The following KCNQ1 variants were observed in gnomAD, a reference collection of about 807,000 sequenced individuals.
KCNQ1 encodes potassium voltage-gated channel subfamily Q member 1.
Under a neutral mutation model 72.4 loss-of-function variants are expected in KCNQ1, and 49 were observed. The observed-to-expected ratio is 0.68, with a 90% confidence interval of 0.54 to 0.86. The LOEUF is 0.86. Among genes scored for constraint, KCNQ1 ranks in the 40% least tolerant of loss-of-function variants. KCNQ1 has a pLI of 0.00. For synonymous variants in KCNQ1, 450 were observed against 412.6 expected, an observed-to-expected ratio of 1.09 and a Z score of -1.10; for missense variants, 790 against 945.1, an observed-to-expected ratio of 0.84 and a Z score of 2.15.
At position 2,490,844 on chromosome 11, in the gene KCNQ1, A is replaced by C. The variant is rs55948333; in HGVS notation, c.387-37084A>C. 2.7e-3 allele frequency among the ~76,000 whole-genome samples: 416 copies of C among 152,270 alleles called. 3 individuals are homozygous for C. Among genetic ancestry groups the C allele is most frequent in the African/African-American group, 9.5e-3 (393 of 41,540 alleles). ...GCTAGGATTATAGGCATGTGCCATC[A>C]TGCCTGGCTAATTTTTGTTTGTTTG... On this transcript the variant is annotated intron_variant, in intron 1 of 15. Transcript: ENST00000155840.
At position 2,481,835 on chromosome 11, in the gene KCNQ1, T is replaced by C. The variant is rs1255128562; in HGVS notation, c.386+36351T>C. On this transcript the variant is annotated intron_variant, in intron 1 of 15. Transcript: ENST00000155840. The surrounding 1 kb of genome is among the most constrained non-coding windows in gnomAD (Gnocchi z 4.6). ...AAAACAAGCTCAGGGCTCTCACTGA[T>C]TCTACATTATGGTGAGTTGTATAAT... Among the ~76,000 whole-genome samples the C allele has an allele frequency of 6.6e-6, 1 of 152,212 alleles. No individual in the cohort carries two copies. Among genetic ancestry groups the C allele is most frequent in the Non-Finnish European group, 1.5e-5 (1 of 68,042 alleles).
rs1846237543 is a variant in KCNQ1 at position 2,752,216 on chromosome 11, G to A, written c.1515-16628G>A. Among the ~76,000 whole-genome samples the A allele has an allele frequency of 6.6e-6, 1 of 152,170 alleles. No individual in the cohort carries two copies. ...GAGTGTTACTGAGTTGAGGTGACTG[G>A]GTTGATTTTAGCTTCACAGGTGATC... On this transcript the variant is annotated intron_variant, in intron 11 of 15. Transcript: ENST00000155840. The surrounding 1 kb of genome is among the most constrained non-coding windows in gnomAD (Gnocchi z 5.2).
At chr11:2,737,623 C>T (rs186954454) in intron 11 of KCNQ1, among the ~76,000 whole-genome samples, 6 of 152,326 alleles carry the variant, frequency 3.9e-5, no homozygotes, top group East Asian at 1.9e-4. Flanking sequence ...CCGTTCACGG[C>T]GAAGAAGCTT....
In KCNQ1 at chr11:2,623,448, G is replaced by A. The variant is rs1849208042; in HGVS notation, c.1393+34594G>A. 1 of 398,282 alleles carries A rather than the reference G, an allele frequency of 2.5e-6. No homozygotes were observed. The highest frequency in any genetic ancestry group is 2.1e-5 in the African/African-American group (1 of 48,550). The allele number at this position is 398,282 out of a possible 1,614,324, so 24.7% of individuals were successfully genotyped here. Reference sequence around the variant, plus strand: ...CAACCCTTCTTCCCCAACAACCCTTGGCAACCACTGAACTTTTTACTGCCT... The same window carrying A: ...CAACCCTTCTTCCCCAACAACCCTTAGCAACCACTGAACTTTTTACTGCCT... On this transcript the variant is annotated intron_variant, in intron 10 of 15. Transcript: ENST00000155840. This position sits in a 1 kb window ranked among gnomAD's most constrained non-coding sequence, Gnocchi z 5.2.
At chr11:2,744,478 T>C (rs1846105812) in intron 11 of KCNQ1, among the ~76,000 whole-genome samples, 1 of 152,228 alleles carries the variant, frequency 6.6e-6, no homozygotes, top group East Asian at 1.9e-4. Context: ...CAAGACTTGT[T>C]TGCGGTTGCT....
At chr11:2,512,274 G>A (rs967640208) in intron 1 of KCNQ1, among the ~76,000 whole-genome samples, 3 of 152,228 alleles carry the variant, frequency 2.0e-5, no homozygotes, top group Non-Finnish European at 4.4e-5. Context: ...GCCGGGGCGG[G>A]AGAGGGCCGC....
chr11:2,718,009 G>A (rs934213269), intron 11 of KCNQ1, among the ~76,000 whole-genome samples: 1 of 152,250 alleles, frequency 6.6e-6, no homozygotes, highest in Non-Finnish European at 1.5e-5. Context: ...TGTCGCAGAA[G>A]TGAACCTTGT....
At chr11:2,622,369 GCTTT>G in intron 10 of KCNQ1, 4 of 398,046 alleles carry the variant, frequency 1.0e-5, no homozygotes, top group Non-Finnish European at 1.8e-5. Flanking sequence ...ATTACCTCCA[GCTTT>G]CTTTAGGTTA....
intron 1 of KCNQ1, among the ~76,000 whole-genome samples, chr11:2,525,441 T>C (rs961037153): frequency 6.6e-6 from 1 of 152,174 alleles, no homozygotes; most frequent in Admixed American, 6.5e-5. Flanking sequence ...CAGAGACAGA[T>C]GAGAGCAGGG....
At position 2,848,085 on chromosome 11, in the gene KCNQ1, A is replaced by C. The variant is rs2134098019; in HGVS notation, c.*82A>C. Reference sequence around the variant, plus strand: ...CACCTGGCCCTCTCTGAAGGAGGCCACCTCCTAAAAGGCCCAGAGAGAAGA... The same window carrying C: ...CACCTGGCCCTCTCTGAAGGAGGCCCCCTCCTAAAAGGCCCAGAGAGAAGA... On this transcript the variant is annotated 3_prime_UTR_variant, in exon 16 of 16. Transcript: ENST00000155840. The C allele has an allele frequency of 8.5e-7, 1 of 1,181,576 alleles. No individual in the cohort carries two copies. The highest frequency in any genetic ancestry group is 2.5e-5 in the East Asian group (1 of 39,320). The allele number at this position is 1,181,576 out of a possible 1,614,324, so 73.2% of individuals were successfully genotyped here.
rs143908838 is a variant in KCNQ1 at position 2,625,024 on chromosome 11, A to G, written c.1393+36170A>G. The G allele has an allele frequency of 1.3e-3, 515 of 398,610 alleles. 2 individuals carry two copies. Among genetic ancestry groups the G allele is most frequent in the African/African-American group, 9.3e-3 (455 of 48,740 alleles). The allele number at this position is 398,610 out of a possible 1,614,324, so 24.7% of individuals were successfully genotyped here. A position where few individuals can be genotyped will look rare whatever the true frequency, so the allele number is the denominator to read the frequency against. ...GTTGCATTGATGTTTTAACTGTTGT[A>G]AATAATGCCACTACAATCGTGGGTA... On this transcript the variant is annotated intron_variant, in intron 10 of 15. Transcript: ENST00000155840.
chr11:2,810,547 T>C (rs1455493920), intron 15 of KCNQ1, among the ~76,000 whole-genome samples: 1 of 152,266 alleles, frequency 6.6e-6, no homozygotes, highest in Non-Finnish European at 1.5e-5. Context: ...ACGCTTGCTC[T>C]CTGACCGTGG....
chr11:2,480,774 G>A (rs946911321), intron 1 of KCNQ1, among the ~76,000 whole-genome samples: 12 of 152,158 alleles, frequency 7.9e-5, no homozygotes, highest in Non-Finnish European at 1.3e-4. Flanking sequence ...GTTGTTTCCC[G>A]ATTTTGACAA....
intron 11 of KCNQ1, among the ~76,000 whole-genome samples, chr11:2,763,022 C>T (rs1206653611): frequency 6.6e-6 from 1 of 152,166 alleles, no homozygotes; most frequent in African/African-American, 2.4e-5. Context: ...TGGCCCTTCA[C>T]GTTGTTAGGA....
At chr11:2,637,279 A>G (rs1849487132) in intron 10 of KCNQ1, 2 of 152,078 alleles carry the variant, frequency 1.3e-5, no homozygotes, top group African/African-American at 2.4e-5. Flanking sequence ...ATGTTAGGGC[A>G]TCAATTTTAG....
chr11:2,680,004 C>T, intron 11 of KCNQ1: 1 of 396,962 alleles, frequency 2.5e-6, no homozygotes, highest in East Asian at 3.6e-5. Flanking sequence ...AGCAATTCTC[C>T]TGCCTTAGCC....
intron 2 of KCNQ1, among the ~76,000 whole-genome samples, chr11:2,533,601 C>T (rs905294594): frequency 1.3e-5 from 2 of 152,196 alleles, no homozygotes; most frequent in Non-Finnish European, 2.9e-5. Flanking sequence ...TGCGCACATG[C>T]GTACACATAT....
chr11:2,844,313 GCATC>G (rs1848275205), intron 15 of KCNQ1, among the ~76,000 whole-genome samples: 1 of 152,198 alleles, frequency 6.6e-6, no homozygotes, highest in Admixed American at 6.5e-5. Context: ...CCCGCCCTGG[GCATC>G]CAGCCCACAT....
In KCNQ1 at chr11:2,661,094, C is replaced by A; in HGVS notation, c.1394-867C>A. On this transcript the variant is annotated intron_variant, in intron 10 of 15. Coordinates refer to ENST00000155840, the MANE Select transcript of KCNQ1 (RefSeq NM_000218.3). This position sits in a 1 kb window ranked among gnomAD's most constrained non-coding sequence, Gnocchi z 5.9. ...CAGTGACATCCCATGTGCATAAAAGCAACTCCCACCTGGCATCTGCTGCTC... is the reference window on the plus strand; with the variant it reads ...CAGTGACATCCCATGTGCATAAAAGAAACTCCCACCTGGCATCTGCTGCTC... 1 of 398,396 alleles carries A rather than the reference C, an allele frequency of 2.5e-6. No individual in the cohort carries two copies. 24.7% of individuals were successfully genotyped at this position (398,396 alleles called of 1,614,324 possible).
Sources: gnomAD v4.1 joint callset for allele counts (sites outside exome capture counted in the v4.1 genomes callset) on GRCh38, gnomAD v4.1.1 for gene constraint, Gnocchi (gnomAD v3.1) non-coding constraint, MANE v1.5 for transcripts, NCBI Gene and HGNC (gene_info 2026-07-23, HGNC 2026-07-21) for gene names.